The following CREB1 variants were observed in gnomAD, a reference collection of about 807,000 sequenced individuals.
The protein encoded by CREB1 is cyclic AMP-responsive element-binding protein 1.
Under a neutral mutation model 42.0 loss-of-function variants are expected in CREB1, and 2 were observed. That is an observed-to-expected ratio of 0.05 (90% CI 0.02 to 0.15). The LOEUF is 0.15. Ranked by LOEUF, CREB1 falls within the 10% of genes least tolerant of loss-of-function variation. The pLI, the probability that CREB1 is intolerant of heterozygous loss-of-function variation, is 1.00. For synonymous variants in CREB1, 123 were observed against 139.9 expected (o/e 0.88, Z 0.85); for missense variants, 199 against 388.9 (o/e 0.51, Z 4.11).
chr2:207,563,477 T>C (rs377627556), intron 3 of CREB1, among the ~76,000 whole-genome samples: 1 of 152,232 alleles, frequency 6.6e-6, no homozygotes, highest in Non-Finnish European at 1.5e-5. Context: ...ATAAATCTCA[T>C]TGAAAGCTTG....
chr2:207,561,309 T>C (rs1347627449), intron 3 of CREB1: 1 of 644,124 alleles, frequency 1.6e-6, no homozygotes, highest in Admixed American at 2.9e-5. Context: ...TAGGCCATAC[T>C]TGTTACCTCC....
rs1016969162 is a variant in CREB1 at position 207,600,298 on chromosome 2, TAAGTC to T, written c.*3242_*3246del. The T allele has an allele frequency of 5.7e-6, 1 of 175,176 alleles. No homozygotes were observed. Among genetic ancestry groups the T allele is most frequent in the Non-Finnish European group, 1.2e-5 (1 of 82,156 alleles). The allele number at this position is 175,176 out of a possible 1,614,324, so 10.9% of individuals were successfully genotyped here. A position where few individuals can be genotyped will look rare whatever the true frequency, so the allele number is the denominator to read the frequency against. On this transcript the variant is annotated 3_prime_UTR_variant, in exon 8 of 8. Coordinates refer to ENST00000353267, the MANE Select transcript of CREB1 (RefSeq NM_004379.5). Reference sequence around the variant, plus strand: ...TATAATCTAAAGCTCTGAGAGCTCTTAAGTCAGGAATGCTGAGTATTATAGTATAT... The same window carrying T: ...TATAATCTAAAGCTCTGAGAGCTCTTAGGAATGCTGAGTATTATAGTATAT...
Position 207,575,900 on chromosome 2 carries a change from A to G in CREB1, c.688+446A>G, listed in dbSNP as rs181307084. On this transcript the variant is annotated intron_variant, in intron 6 of 7. Coordinates refer to ENST00000353267, the MANE Select transcript of CREB1 (RefSeq NM_004379.5). ...AGAGTTGCACTGAATCTCTGGAAAC[A>G]ATCTTCAGAAGTTCAGGATTCTGTT... Among the ~76,000 whole-genome samples the G allele has an allele frequency of 9.3e-4, 130 of 140,428 alleles. 1 individual carries two copies. The highest frequency in any genetic ancestry group is 3.0e-3 in the African/African-American group (117 of 38,862). The allele number at this position is 140,428 out of a possible 152,430, so 92.1% of individuals were successfully genotyped here.
At chr2:207,544,153 C>T (rs915975626) in intron 1 of CREB1, among the ~76,000 whole-genome samples, 8 of 152,084 alleles carry the variant, frequency 5.3e-5, no homozygotes, top group South Asian at 2.1e-4. Flanking sequence ...ATGATCTGCC[C>T]GCCTTGGCCT....
intron 7 of CREB1, among the ~76,000 whole-genome samples, chr2:207,584,643 C>T (rs539469057): frequency 6.6e-6 from 1 of 152,298 alleles, no homozygotes; most frequent in African/African-American, 2.4e-5. Context: ...CTCAGATGAT[C>T]CACCCACCTC....
intron 7 of CREB1, among the ~76,000 whole-genome samples, chr2:207,580,287 G>C (rs1236321098): frequency 6.6e-6 from 1 of 152,284 alleles, no homozygotes; most frequent in South Asian, 2.1e-4. Flanking sequence ...GCCATCTTCT[G>C]CTGTGCCTCT....
Position 207,600,205 on chromosome 2 carries a change from T to TG in CREB1, c.*3155dup, listed in dbSNP as rs565660729. ...GGTGCTCTCTTCATTTAGATATTCT[T>TG]GGGGGGGGTGGCATTTGTATAATAT... On this transcript the variant is annotated 3_prime_UTR_variant, in exon 8 of 8. Coordinates refer to ENST00000353267, the MANE Select transcript of CREB1 (RefSeq NM_004379.5). 1.4e-3 allele frequency: 239 copies of TG among 168,844 alleles called. No individual in the cohort carries two copies. The highest frequency in any genetic ancestry group is 2.5e-3 in the African/African-American group (104 of 40,906). 10.5% of individuals were successfully genotyped at this position (168,844 alleles called of 1,614,324 possible). A position where few individuals can be genotyped will look rare whatever the true frequency, so the allele number is the denominator to read the frequency against.
At chr2:207,587,244 T>A (rs1559066777) in intron 7 of CREB1, among the ~76,000 whole-genome samples, 3 of 151,458 alleles carry the variant, frequency 2.0e-5, no homozygotes, top group Non-Finnish European at 4.4e-5. Flanking sequence ...ATCCAAAAAT[T>A]CAGCCAGGCA....
At chr2:207,565,925 C>T (rs1219881198) in intron 3 of CREB1, among the ~76,000 whole-genome samples, 1 of 152,180 alleles carries the variant, frequency 6.6e-6, no homozygotes, top group Non-Finnish European at 1.5e-5. Context: ...GGGCTAGTTA[C>T]AGCAGCTACT....
intron 2 of CREB1, among the ~76,000 whole-genome samples, chr2:207,556,244 C>A (rs962376928): frequency 3.3e-5 from 5 of 151,964 alleles, no homozygotes; most frequent in Non-Finnish European, 7.4e-5. Flanking sequence ...ATTTCTGATT[C>A]TTTCATTTCA....
intron 7 of CREB1, among the ~76,000 whole-genome samples, chr2:207,588,538 C>A (rs1469975563): frequency 6.6e-6 from 1 of 152,108 alleles, no homozygotes; most frequent in African/African-American, 2.4e-5. Context: ...TTATAATCCG[C>A]TTGTTGATGT....
chr2:207,575,922 T>C (rs1351145031), intron 6 of CREB1, among the ~76,000 whole-genome samples: 1 of 128,026 alleles, frequency 7.8e-6, no homozygotes, highest in Admixed American at 8.2e-5. Flanking sequence ...TTCAGGATTC[T>C]GTTTCTCTGC....
intron 5 of CREB1, among the ~76,000 whole-genome samples, chr2:207,573,556 C>T (rs1399205154): frequency 2.6e-5 from 4 of 152,056 alleles, no homozygotes; most frequent in East Asian, 3.9e-4. Context: ...GGCAACATAG[C>T]AAAACCCTGT....
rs967205993 is a variant in CREB1, at chr2:207,600,690, G to A, written c.*3632G>A. 4.3e-5 allele frequency: 9 copies of A among 211,112 alleles called. No individual in the cohort carries two copies. The highest frequency in any genetic ancestry group is 2.0e-4 in the African/African-American group (9 of 44,176). 13.1% of individuals were successfully genotyped at this position (211,112 alleles called of 1,614,324 possible). On this transcript the variant is annotated 3_prime_UTR_variant, in exon 8 of 8. Transcript: ENST00000353267. Reference sequence around the variant, plus strand: ...GTCAGAAAATGTGTTTTGATGGTAGGTCAGCAGCAGTGCTAGTCTCTGAAA... The same window carrying A: ...GTCAGAAAATGTGTTTTGATGGTAGATCAGCAGCAGTGCTAGTCTCTGAAA...
At chr2:207,576,573 A>T in intron 6 of CREB1, 1 of 651,040 alleles carries the variant, frequency 1.5e-6, no homozygotes, top group Non-Finnish European at 2.4e-6. Flanking sequence ...CGAGTATTTG[A>T]AAAAGATACT....
In CREB1 at chr2:207,538,187, C is replaced by G. The variant is rs762159842; in HGVS notation, c.-9+8053C>G. On this transcript the variant is annotated intron_variant, in intron 1 of 7. Transcript: ENST00000353267. ...ATGCTTACCCTGTATTATATTTTGC[C>G]CAGATGTTTCCTCATTTGTCTTCTA... Among the ~76,000 whole-genome samples, 29 of 151,794 alleles carry G rather than the reference C, an allele frequency of 1.9e-4. No homozygotes were observed. The Middle Eastern group carries it at 0.014, about 71-fold the overall frequency.
intron 2 of CREB1, among the ~76,000 whole-genome samples, chr2:207,556,820 A>C (rs1323781420): frequency 6.6e-6 from 1 of 152,126 alleles, no homozygotes; most frequent in Non-Finnish European, 1.5e-5. Flanking sequence ...TCATCTGTAT[A>C]TTTTGCCCTT....
intron 3 of CREB1, among the ~76,000 whole-genome samples, chr2:207,564,519 A>C (rs1436393315): frequency 6.6e-6 from 1 of 151,820 alleles, no homozygotes; most frequent in Non-Finnish European, 1.5e-5. Context: ...TTAAAAAAAA[A>C]AAATCTTAAA....
intron 7 of CREB1, among the ~76,000 whole-genome samples, chr2:207,579,643 A>G (rs1255824905): frequency 1.3e-5 from 2 of 152,150 alleles, no homozygotes; most frequent in Admixed American, 6.5e-5. Flanking sequence ...CTTTCATAAC[A>G]TTACTTTGCT....
Sources: gnomAD v4.1 joint callset for allele counts (sites outside exome capture counted in the v4.1 genomes callset) on GRCh38, gnomAD v4.1.1 for gene constraint, MANE v1.5 for transcripts, NCBI Gene and HGNC (gene_info 2026-07-23, HGNC 2026-07-21) for gene names.